Variants in CFAP36 observed in about 807,000 individuals in gnomAD.
CFAP36 encodes cilia- and flagella-associated protein 36.
A neutral mutation model predicts 50.5 loss-of-function variants in CFAP36; 37 were observed. That is an observed-to-expected ratio of 0.73 (90% CI 0.56 to 0.96). The LOEUF (loss-of-function observed/expected upper bound fraction) is 0.96. Among genes scored for constraint, CFAP36 ranks in the 50% least tolerant of loss-of-function variants. The pLI is 0.00. For missense variants in CFAP36, 407 were observed against 396.2 expected, an observed-to-expected ratio of 1.03 and a Z score of -0.23; for synonymous variants, 138 against 128.2, an observed-to-expected ratio of 1.08 and a Z score of -0.52.
At chr2:55,524,083 C>T (rs937779499) in intron 3 of CFAP36, among the ~76,000 whole-genome samples, 3 of 152,182 alleles carry the variant, frequency 2.0e-5, no homozygotes, top group African/African-American at 7.2e-5. Flanking sequence ...ATACAAACTA[C>T]TGTTTTATTT....
intron 7 of CFAP36, among the ~76,000 whole-genome samples, chr2:55,542,344 A>G (rs890924897): frequency 6.6e-6 from 1 of 152,234 alleles, no homozygotes; most frequent in Non-Finnish European, 1.5e-5. Flanking sequence ...AAATGCGCAT[A>G]TCTGATATTT....
Position 55,544,897 on chromosome 2 carries a change from T to G in CFAP36, c.928-10T>G. 6.4e-7 allele frequency: 1 copy of G among 1,573,214 alleles called. No homozygotes were observed. The highest frequency in any genetic ancestry group is 8.6e-7 in the Non-Finnish European group (1 of 1,160,880). Reference sequence around the variant, plus strand: ...TTCATACTGTAGCCAATTTTTTCTTTTTTTTTCAGGAAATGACAGAGAAAC... The same window carrying G: ...TTCATACTGTAGCCAATTTTTTCTTGTTTTTTCAGGAAATGACAGAGAAAC... On this transcript the variant is annotated splice_polypyrimidine_tract_variant and intron_variant, in intron 9 of 9. Coordinates refer to ENST00000349456, the MANE Select transcript of CFAP36 (RefSeq NM_080667.7).
chr2:55,541,274 A>G (rs899246803), intron 7 of CFAP36, among the ~76,000 whole-genome samples: 1 of 152,184 alleles, frequency 6.6e-6, no homozygotes, highest in African/African-American at 2.4e-5. Flanking sequence ...CAGTGAGCCA[A>G]GATCGTGCCA....
chr2:55,528,674 G>C (rs1029138849), intron 3 of CFAP36, among the ~76,000 whole-genome samples: 4 of 152,128 alleles, frequency 2.6e-5, no homozygotes, highest in African/African-American at 9.7e-5. Flanking sequence ...GGGTTTACAG[G>C]TGTGAGCCAC....
rs1037008328 is a variant in CFAP36 at position 55,535,701 on chromosome 2, G to C, written c.486-11G>C. 9.9e-6 allele frequency: 15 copies of C among 1,517,406 alleles called. No homozygotes were observed. The highest frequency in any genetic ancestry group is 1.3e-5 in the Non-Finnish European group (15 of 1,139,944). The allele number at this position is 1,517,406 out of a possible 1,614,324, so 94.0% of individuals were successfully genotyped here. A position where few individuals can be genotyped will look rare whatever the true frequency, so the allele number is the denominator to read the frequency against. ...AAATTTATCTTTTTATCTTATTTTT[G>C]TATATTTCAGAAAATCAAAAGAGGA... is the stretch of plus-strand genomic sequence containing the variant. On this transcript the variant is annotated splice_polypyrimidine_tract_variant and intron_variant, in intron 5 of 9. Transcript: ENST00000349456.
rs1023323133 is a variant in CFAP36 at position 55,527,938 on chromosome 2, G to A, written c.283-940G>A. Among the ~76,000 whole-genome samples, 17 of 151,952 alleles carry A rather than the reference G, an allele frequency of 1.1e-4. 1 individual carries two copies. The highest frequency in any genetic ancestry group is 1.1e-3 in the Admixed American group (17 of 15,268). Reference sequence around the variant, plus strand: ...TAATTCCAGCACTTTGGGAGGCCAAGGTGGGCAGATTGCTTGAGCTCAGGA... The same window carrying A: ...TAATTCCAGCACTTTGGGAGGCCAAAGTGGGCAGATTGCTTGAGCTCAGGA... On this transcript the variant is annotated intron_variant, in intron 3 of 9. Coordinates refer to ENST00000349456, the MANE Select transcript of CFAP36 (RefSeq NM_080667.7).
chr2:55,521,559 G>A (rs1684064392), intron 1 of CFAP36, among the ~76,000 whole-genome samples: 1 of 150,956 alleles, frequency 6.6e-6, no homozygotes, highest in Admixed American at 6.6e-5. Context: ...ATTTTCTCAA[G>A]TAGGCAAAAA....
intron 4 of CFAP36, among the ~76,000 whole-genome samples, chr2:55,529,574 G>C (rs550578439): frequency 6.6e-6 from 1 of 151,864 alleles, no homozygotes; most frequent in Non-Finnish European, 1.5e-5. Context: ...GGTCATAGTT[G>C]TGGTTACTGT....
chr2:55,540,258 T>A (rs995381708), intron 7 of CFAP36, among the ~76,000 whole-genome samples: 4 of 152,228 alleles, frequency 2.6e-5, no homozygotes, highest in Non-Finnish European at 4.4e-5. Context: ...TTTTATAGTT[T>A]TACATTTTAC....
In CFAP36 at chr2:55,544,019, A is replaced by G; in HGVS notation, c.722A>G (p.Gln241Arg). The change falls in exon 8 of 10, where the codon CAA (glutamine) becomes CGA (arginine). Residue 241 changes from glutamine (Q) to arginine (R), a missense_variant. By Grantham distance (43) the Gln-to-Arg change is conservative. Coordinates refer to ENST00000349456, the MANE Select transcript of CFAP36 (RefSeq NM_080667.7). ...VERSETSSLP[Q>R]KDLKIPGLEH... is the part of the protein sequence containing the mutation. ...AGGTCTGAAACTTCCTCCCTCCCAC[A>G]AAAAGACCTGAAGATTCCTGGCTTA... 1 of 1,613,972 alleles carries G rather than the reference A, an allele frequency of 6.2e-7. No homozygotes were observed. The highest frequency in any genetic ancestry group is 8.5e-7 in the Non-Finnish European group (1 of 1,179,856).
intron 7 of CFAP36, among the ~76,000 whole-genome samples, chr2:55,543,433 C>T (rs1385591487): frequency 6.6e-6 from 1 of 152,010 alleles, no homozygotes; most frequent in Non-Finnish European, 1.5e-5. Flanking sequence ...TAGTTATCTT[C>T]AATACATAAT....
intron 7 of CFAP36, among the ~76,000 whole-genome samples, chr2:55,542,602 T>A (rs1426167765): frequency 6.6e-6 from 1 of 152,238 alleles, no homozygotes; most frequent in African/African-American, 2.4e-5. Flanking sequence ...TGGCTTCAAG[T>A]ACTTTCCTTT....
At chr2:55,523,519 G>T (rs1025504793) in intron 2 of CFAP36, among the ~76,000 whole-genome samples, 4 of 152,160 alleles carry the variant, frequency 2.6e-5, no homozygotes, top group African/African-American at 9.7e-5. Flanking sequence ...TCTATTAGAA[G>T]AAATACAATT....
intron 7 of CFAP36, among the ~76,000 whole-genome samples, chr2:55,540,686 T>G (rs532173252): frequency 6.6e-6 from 1 of 152,334 alleles, no homozygotes; most frequent in African/African-American, 2.4e-5. Context: ...TGGGAAGAAC[T>G]GACATCTTGA....
chr2:55,540,324 TC>T (rs772455764), intron 7 of CFAP36, among the ~76,000 whole-genome samples: 7 of 152,228 alleles, frequency 4.6e-5, no homozygotes, highest in Non-Finnish European at 8.8e-5. Context: ...AAAGTTTGTG[TC>T]TAGATTCATA....
intron 2 of CFAP36, 21 bp downstream of exon 2, chr2:55,522,187 ATT>A: frequency 7.5e-7 from 1 of 1,335,016 alleles, no homozygotes; most frequent in Non-Finnish European, 1.0e-6. Context: ...TTTTTCACTG[ATT>A]TTTAAAAGTA....
intron 7 of CFAP36, among the ~76,000 whole-genome samples, chr2:55,538,402 C>A (rs1684548764): frequency 6.7e-6 from 1 of 148,886 alleles, no homozygotes; most frequent in Non-Finnish European, 1.5e-5. Context: ...TCAAGTGATT[C>A]TCCTGCCTTA....
intron 1 of CFAP36, among the ~76,000 whole-genome samples, chr2:55,521,096 A>C (rs1684050068): frequency 6.6e-6 from 1 of 152,008 alleles, no homozygotes; most frequent in Admixed American, 6.5e-5. Context: ...TTTTCATTAC[A>C]TTTTCATTGC....
chr2:55,542,217 T>C (rs1684655819), intron 7 of CFAP36, among the ~76,000 whole-genome samples: 1 of 152,228 alleles, frequency 6.6e-6, no homozygotes, highest in Non-Finnish European at 1.5e-5. Context: ...CTTATCTAAG[T>C]GAAGCTATAG....
Sources: allele counts gnomAD v4.1 joint callset (sites outside exome capture counted in the v4.1 genomes callset), GRCh38; gene constraint gnomAD v4.1.1; transcripts MANE v1.5; gene names NCBI Gene and HGNC (gene_info 2026-07-23, HGNC 2026-07-21).